The following FAM174A variants were observed in gnomAD, a reference collection of about 807,000 sequenced individuals.
The protein encoded by FAM174A is membrane protein FAM174A.
A neutral mutation model predicts 14.3 loss-of-function variants in FAM174A; 14 were observed. That is an observed-to-expected ratio of 0.98 (90% CI 0.65 to 1.53). The LOEUF (loss-of-function observed/expected upper bound fraction) is 1.53, where lower values mean the gene tolerates loss of function less well. Ranked by LOEUF, FAM174A falls within the 40% of genes most tolerant of loss-of-function variation. FAM174A has a pLI of 0.00. For missense variants in FAM174A, 241 were observed against 249.6 expected (o/e 0.97, Z 0.23); for synonymous variants, 108 against 111.4 (o/e 0.97, Z 0.19).
At chr5:100,576,612 G>C (rs988920659) in intron 2 of FAM174A, among the ~76,000 whole-genome samples, 1 of 152,050 alleles carries the variant, frequency 6.6e-6, no homozygotes. Context: ...ACCATGATTA[G>C]TTCAGACTTA....
chr5:100,559,147 T>A (rs1405045199), intron 1 of FAM174A, among the ~76,000 whole-genome samples: 1 of 152,152 alleles, frequency 6.6e-6, no homozygotes, highest in African/African-American at 2.4e-5. Context: ...TGACAAAATC[T>A]CTCAGCATTT....
intron 1 of FAM174A, among the ~76,000 whole-genome samples, chr5:100,558,455 C>T (rs1028675048): frequency 9.9e-5 from 15 of 152,080 alleles, no homozygotes; most frequent in African/African-American, 2.4e-4. Flanking sequence ...CTATTAGGTC[C>T]GCCTGGTGCA....
intron 1 of FAM174A, among the ~76,000 whole-genome samples, chr5:100,536,320 A>G (rs1297556163): frequency 2.0e-5 from 3 of 152,236 alleles, no homozygotes; most frequent in South Asian, 4.1e-4. Flanking sequence ...AAATTTTTGT[A>G]TACCTAACTG....
rs1360283307 is a variant in FAM174A at position 100,535,727 on chromosome 5, C to A, written c.197C>A (p.Pro66Gln). Reference sequence around the variant, plus strand: ...CCGGGCCCTACCCCTGCCCAGCAGCCGGGCCGTGGTCTGGCTGAAGCTGCG... The same window carrying A: ...CCGGGCCCTACCCCTGCCCAGCAGCAGGGCCGTGGTCTGGCTGAAGCTGCG... ...LPPGPTPAQQ[P>Q]GRGLAEAAGP... The change falls in exon 1 of 3, where the codon CCG becomes CAG. Residue 66 changes from proline (P) to glutamine (Q), a missense_variant. Pro to Gln is a moderately conservative substitution (Grantham distance 76). Transcript: ENST00000312637. 6.2e-7 allele frequency: 1 copy of A among 1,604,652 alleles called. No homozygotes were observed. The highest frequency in any genetic ancestry group is 1.3e-5 in the African/African-American group (1 of 74,960).
chr5:100,550,015 A>G lies in FAM174A; in HGVS notation c.435-12039A>G, dbSNP rs146915263. 7.2e-5 allele frequency among the ~76,000 whole-genome samples: 11 copies of G among 152,280 alleles called. 1 individual carries two copies. Among genetic ancestry groups the G allele is most frequent in the African/African-American group, 2.2e-4 (9 of 41,568 alleles). ...TGCTGAGAAGTTAAAAGTAGTACAAAAAGCCAGTTTGGCTTTTGAAAGGAT... is the reference window on the plus strand; with the variant it reads ...TGCTGAGAAGTTAAAAGTAGTACAAGAAGCCAGTTTGGCTTTTGAAAGGAT... On this transcript the variant is annotated intron_variant, in intron 1 of 2. Transcript: ENST00000312637.
intron 1 of FAM174A, among the ~76,000 whole-genome samples, chr5:100,556,903 C>T (rs895890081): frequency 3.9e-5 from 6 of 152,168 alleles, no homozygotes; most frequent in Non-Finnish European, 8.8e-5. Flanking sequence ...GGCAATTTGA[C>T]TTCCTCTTTG....
intron 2 of FAM174A, among the ~76,000 whole-genome samples, chr5:100,563,599 A>G (rs1270913559): frequency 3.3e-5 from 5 of 151,856 alleles, no homozygotes; most frequent in Non-Finnish European, 7.4e-5. Context: ...ACAGAAAATC[A>G]ATAAAGAAAC....
At chr5:100,576,082 C>T (rs752961361) in intron 2 of FAM174A, among the ~76,000 whole-genome samples, 1 of 152,136 alleles carries the variant, frequency 6.6e-6, no homozygotes, top group Admixed American at 6.6e-5. Flanking sequence ...GTAGTCAGCT[C>T]TTTCTGAGAG....
At chr5:100,549,262 T>C (rs1295764503) in intron 1 of FAM174A, among the ~76,000 whole-genome samples, 1 of 152,132 alleles carries the variant, frequency 6.6e-6, no homozygotes, top group Non-Finnish European at 1.5e-5. Context: ...AATAAATCCA[T>C]GCTGAACTTT....
At chr5:100,555,418 T>A (rs1202425966) in intron 1 of FAM174A, among the ~76,000 whole-genome samples, 2 of 152,102 alleles carry the variant, frequency 1.3e-5, no homozygotes, top group African/African-American at 4.8e-5. Context: ...TAGCAGCATG[T>A]TTTATAGTCC....
intron 2 of FAM174A, among the ~76,000 whole-genome samples, chr5:100,578,301 A>G (rs147463726): frequency 6.6e-6 from 1 of 152,254 alleles, no homozygotes; most frequent in East Asian, 1.9e-4. Flanking sequence ...ATGCCCTTAG[A>G]CCAATCTCTT....
chr5:100,536,791 C>T (rs1745950492), intron 1 of FAM174A, among the ~76,000 whole-genome samples: 1 of 152,174 alleles, frequency 6.6e-6, no homozygotes, highest in African/African-American at 2.4e-5. Flanking sequence ...TAACATATTT[C>T]TTTAAACTGA....
At chr5:100,583,065 A>G (rs1037103208) in intron 2 of FAM174A, among the ~76,000 whole-genome samples, 5 of 152,200 alleles carry the variant, frequency 3.3e-5, no homozygotes, top group Non-Finnish European at 7.4e-5. Flanking sequence ...CTTACAACAA[A>G]GCATGCTAAA....
intron 2 of FAM174A, among the ~76,000 whole-genome samples, chr5:100,572,961 G>C (rs911255129): frequency 2.5e-4 from 38 of 152,234 alleles, no homozygotes; most frequent in Non-Finnish European, 4.4e-4. Flanking sequence ...GTGTGAGCTG[G>C]TATCTCATTG....
intron 2 of FAM174A, among the ~76,000 whole-genome samples, chr5:100,575,366 AC>A (rs1746880243): frequency 6.6e-6 from 1 of 152,046 alleles, no homozygotes; most frequent in African/African-American, 2.4e-5. Context: ...CTCATCATTT[AC>A]ATTAGGTATA....
intron 1 of FAM174A, among the ~76,000 whole-genome samples, chr5:100,553,546 A>G (rs910914874): frequency 1.3e-5 from 2 of 152,114 alleles, no homozygotes; most frequent in African/African-American, 4.8e-5. Context: ...ATTTTATTTA[A>G]TAATATATAG....
chr5:100,561,857 G>A (rs770912551), intron 1 of FAM174A, among the ~76,000 whole-genome samples, 197 bp from the exon 2 acceptor site: 3 of 151,778 alleles, frequency 2.0e-5, no homozygotes, highest in East Asian at 3.9e-4. Context: ...AGAAACAGGC[G>A]ATGGCACATA....
chr5:100,575,498 G>A lies in FAM174A; in HGVS notation c.570-10683G>A, dbSNP rs1426259920. Reference sequence around the variant, plus strand: ...TTCCCACCTATGAGTGAGAACATGCGGTGTTTGGTTTTTTGTCCTTGCTAT... The same window carrying A: ...TTCCCACCTATGAGTGAGAACATGCAGTGTTTGGTTTTTTGTCCTTGCTAT... On this transcript the variant is annotated intron_variant, in intron 2 of 2. Transcript: ENST00000312637. Among the ~76,000 whole-genome samples, 10 of 152,058 alleles carry A rather than the reference G, an allele frequency of 6.6e-5. No homozygotes were observed. The East Asian group carries it at 1.7e-3, about 26-fold the overall frequency.
intron 2 of FAM174A, among the ~76,000 whole-genome samples, chr5:100,566,140 T>TTA (rs1580373368): frequency 6.2e-4 from 5 of 8,080 alleles, no homozygotes; most frequent in Admixed American, 2.7e-3. Flanking sequence ...TTGAAAAGTA[T>TTA]GATATATATA....
Sources: gnomAD v4.1 joint callset for allele counts (sites outside exome capture counted in the v4.1 genomes callset) on GRCh38, gnomAD v4.1.1 for gene constraint, MANE v1.5 for transcripts, NCBI Gene and HGNC (gene_info 2026-07-23, HGNC 2026-07-21) for gene names.